Variants in MCF2L observed in about 807,000 individuals in gnomAD.
MCF2L encodes the protein guanine nucleotide exchange factor DBS.
Under a neutral mutation model 153.4 loss-of-function variants are expected in MCF2L, and 97 were observed. The ratio of observed to expected loss-of-function variants is 0.63; its 90% CI spans 0.54 to 0.75. The LOEUF (loss-of-function observed/expected upper bound fraction) is 0.75. Ranked by LOEUF, MCF2L falls within the 30% of genes least tolerant of loss-of-function variation. The pLI is 0.00. For missense variants in MCF2L, 1,347 were observed against 1,495.2 expected, an observed-to-expected ratio of 0.90 and a Z score of 1.64; for synonymous variants, 659 against 632.2, an observed-to-expected ratio of 1.04 and a Z score of -0.64.
At chr13:113,042,986 A>T (rs992421198) in intron 3 of MCF2L, 3 of 152,232 alleles carry the variant, frequency 2.0e-5, no homozygotes, top group African/African-American at 7.2e-5. Context: ...TCTGCAAAAC[A>T]GTGACGCCGC....
At chr13:113,007,680 C>T (rs1196578840) in intron 1 of MCF2L, among the ~76,000 whole-genome samples, 1 of 152,156 alleles carries the variant, frequency 6.6e-6, no homozygotes, top group Non-Finnish European at 1.5e-5. Context: ...CGCGGTTCGG[C>T]GGCCTCAGTC....
intron 3 of MCF2L, among the ~76,000 whole-genome samples, chr13:113,039,589 C>G (rs74115752): frequency 0.016 from 2,422 of 152,020 alleles, 69 homozygotes; most frequent in African/African-American, 0.056. Context: ...AAACTTGTTT[C>G]TAGCCTATAC....
chr13:112,906,743 G>A (rs1419489907), intron 2 of MCF2L, among the ~76,000 whole-genome samples: 2 of 152,202 alleles, frequency 1.3e-5, no homozygotes, highest in Non-Finnish European at 2.9e-5. Flanking sequence ...AAGAGGGTTC[G>A]CCCACAACTT....
intron 2 of MCF2L, among the ~76,000 whole-genome samples, chr13:112,958,795 G>C (rs929424268): frequency 8.5e-5 from 13 of 152,330 alleles, no homozygotes; most frequent in African/African-American, 3.1e-4. Flanking sequence ...GGCACCTCCT[G>C]GTGGGATTCC....
rs2087472564 is a variant in MCF2L at position 113,053,054 on chromosome 13, C to T, written c.370-7539C>T. On this transcript the variant is annotated intron_variant, in intron 4 of 29. Coordinates refer to ENST00000535094, the MANE Select transcript of MCF2L (RefSeq NM_001112732.3). This position sits in a 1 kb window ranked among gnomAD's most constrained non-coding sequence, Gnocchi z 4.4. The stretch of plus-strand genomic sequence containing the variant: ...AACACAGACACACACACACATTTTG[C>T]TGGTGAGAGCCGGCTCTGCCATCGT... Among the ~76,000 whole-genome samples the T allele has an allele frequency of 6.6e-6, 1 of 152,136 alleles. No individual in the cohort carries two copies. The highest frequency in any genetic ancestry group is 2.4e-5 in the African/African-American group (1 of 41,420).
chr13:113,019,860 C>T (rs950051401), intron 2 of MCF2L, among the ~76,000 whole-genome samples: 9 of 152,240 alleles, frequency 5.9e-5, no homozygotes, highest in Non-Finnish European at 7.4e-5. Flanking sequence ...ATGGGGAAGC[C>T]GCCGTCACCA....
intron 13 of MCF2L, among the ~76,000 whole-genome samples, chr13:113,077,764 G>T (rs1365390646): frequency 6.6e-6 from 1 of 152,108 alleles, no homozygotes; most frequent in Non-Finnish European, 1.5e-5. Context: ...AGACTTTCCC[G>T]CCACCTCTGT....
chr13:113,078,757 C>T lies in MCF2L; in HGVS notation c.1808+18C>T. 1 of 1,586,376 alleles carries T rather than the reference C, an allele frequency of 6.3e-7. No individual in the cohort carries two copies. Among genetic ancestry groups the T allele is most frequent in the East Asian group, 2.3e-5 (1 of 44,150 alleles). On this transcript the variant is annotated intron_variant, in intron 15 of 29. Coordinates refer to ENST00000535094, the MANE Select transcript of MCF2L (RefSeq NM_001112732.3). ...CTGCGCAGGTGGGTGCGCTGCCCTT[C>T]TGTCCTCACAGGGGCCCTCCGACCG...
chr13:112,976,204 G>T (rs2082209538), intron 1 of MCF2L, among the ~76,000 whole-genome samples: 1 of 151,556 alleles, frequency 6.6e-6, no homozygotes, highest in Non-Finnish European at 1.5e-5. Context: ...GTGTGTGTGT[G>T]TGTGTTTGCT....
intron 27 of MCF2L, chr13:113,095,105 A>G (rs763988791): frequency 2.0e-5 from 27 of 1,351,028 alleles, no homozygotes; most frequent in Non-Finnish European, 2.7e-5. Context: ...CTCATTTTGT[A>G]AGAAAATGGA....
Position 112,917,802 on chromosome 13 carries a change from C to T in MCF2L, c.169+15431C>T, listed in dbSNP as rs113583292. Among the ~76,000 whole-genome samples the T allele has an allele frequency of 1.2e-3, 183 of 152,296 alleles. 1 individual carries two copies. Among genetic ancestry groups the T allele is most frequent in the African/African-American group, 2.5e-3 (103 of 41,548 alleles). On this transcript the variant is annotated intron_variant, in intron 2 of 29. Transcript: ENST00000375608. ...TGATTTTCCCTTCTCTTGTTTGCTG[C>T]GGGGGTTCTCCTTACTAAGGTTGAA...
chr13:112,920,162 C>T (rs1344464734), intron 2 of MCF2L, among the ~76,000 whole-genome samples: 1 of 152,152 alleles, frequency 6.6e-6, no homozygotes, highest in African/African-American at 2.4e-5. Flanking sequence ...GCAGACAAGC[C>T]CGTGTTACCT....
intron 4 of MCF2L, among the ~76,000 whole-genome samples, chr13:113,052,071 C>T (rs983616189): frequency 2.6e-5 from 4 of 152,180 alleles, no homozygotes; most frequent in African/African-American, 9.7e-5. Context: ...ATGTTCTCAG[C>T]ACAGAAAACT....
At chr13:113,033,176 ATGACGTGAGTGGACCCC>A (rs2085854251) in intron 3 of MCF2L, among the ~76,000 whole-genome samples, 13 of 8,320 alleles carry the variant, frequency 1.6e-3, no homozygotes, top group East Asian at 4.8e-3. Context: ...AGTGGCCCCC[ATGACGTGAGTGGACCCC>A]GTGACGTGAG....
intron 2 of MCF2L, among the ~76,000 whole-genome samples, chr13:113,022,101 TG>T (rs2084919373): frequency 6.6e-6 from 1 of 152,142 alleles, no homozygotes; most frequent in Non-Finnish European, 1.5e-5. Context: ...GGCTGGCCTC[TG>T]GGGGTCCCCG....
Position 113,035,857 on chromosome 13 carries a change from T to C in MCF2L, c.279-9414T>C, listed in dbSNP as rs148898578. ...TCTGCGTTCCTCAGTTTCTGCACGT[T>C]TAAAATGGCAGAGGCCCCTTTGGTA... On this transcript the variant is annotated intron_variant, in intron 3 of 29. Transcript: ENST00000535094. This position sits in a 1 kb window ranked among gnomAD's most constrained non-coding sequence, Gnocchi z 4.4. Among the ~76,000 whole-genome samples, 10 of 152,306 alleles carry C rather than the reference T, an allele frequency of 6.6e-5. No individual in the cohort carries two copies. Among genetic ancestry groups the C allele is most frequent in the Admixed American group, 6.5e-4 (10 of 15,294 alleles).
chr13:112,981,179 A>G (rs939528822), intron 1 of MCF2L, among the ~76,000 whole-genome samples: 1 of 151,214 alleles, frequency 6.6e-6, no homozygotes, highest in Admixed American at 6.6e-5. Context: ...CGCACTGGGG[A>G]CCCCGACACG....
intron 1 of MCF2L, among the ~76,000 whole-genome samples, chr13:113,010,977 CT>C (rs1183251550): frequency 6.6e-6 from 1 of 152,200 alleles, no homozygotes; most frequent in Non-Finnish European, 1.5e-5. Flanking sequence ...TAGACTGGAA[CT>C]TTTAAAGAAA....
chr13:112,979,212 T>G, intron 1 of MCF2L: 14 of 541,008 alleles, frequency 2.6e-5, no homozygotes, highest in South Asian at 7.7e-5. Context: ...TGTTTGAACT[T>G]GAGACTTCCT....
Sources: gnomAD v4.1 joint callset for allele counts (sites outside exome capture counted in the v4.1 genomes callset) on GRCh38, gnomAD v4.1.1 for gene constraint, Gnocchi (gnomAD v3.1) non-coding constraint, MANE v1.5 for transcripts, NCBI Gene and HGNC (gene_info 2026-07-23, HGNC 2026-07-21) for gene names.